The following GPC6 variants were observed in gnomAD, a reference collection of about 807,000 sequenced individuals.
The protein encoded by GPC6 is glypican-6.
In GPC6, 14 loss-of-function variants were observed where a neutral mutation model predicts 55.2. The observed-to-expected ratio is 0.25, with a 90% CI of 0.17 to 0.40. The LOEUF is 0.40. GPC6 is among the 10% of genes least tolerant of loss of function. The pLI is 1.00. For missense variants in GPC6, 641 were observed against 708.5 expected, an observed-to-expected ratio of 0.90 and a Z score of 1.08; for synonymous variants, 278 against 259.6, an observed-to-expected ratio of 1.07 and a Z score of -0.68.
At chr13:94,311,142 A>G (rs1876223238) in intron 6 of GPC6, among the ~76,000 whole-genome samples, 1 of 152,270 alleles carries the variant, frequency 6.6e-6, no homozygotes, top group Middle Eastern at 3.4e-3. Flanking sequence ...CACTCAGGCT[A>G]TCTTACTTGA....
chr13:93,822,598 A>G (rs1013146892), intron 2 of GPC6, among the ~76,000 whole-genome samples: 3 of 145,890 alleles, frequency 2.1e-5, no homozygotes, highest in African/African-American at 5.1e-5. Context: ...CCTCCCCTAG[A>G]CCCCCACCCC....
chr13:94,373,133 TG>T lies in GPC6; in HGVS notation c.1153-9279del. ...TGGAGAAAAAACAGAACAGAAAAAC[TG>T]GAAACTCTAAAAAGCAGAGCGCCTC... is the stretch of plus-strand genomic sequence containing the variant. On this transcript the variant is annotated intron_variant, in intron 6 of 8. Transcript: ENST00000377047. 4.6e-5 allele frequency among the ~76,000 whole-genome samples: 7 copies of T among 151,938 alleles called. 2 individuals are homozygous for T. The highest frequency in any genetic ancestry group is 4.6e-4 in the Admixed American group (7 of 15,258).
intron 4 of GPC6, among the ~76,000 whole-genome samples, chr13:94,207,282 A>G (rs947385936): frequency 6.6e-6 from 1 of 152,208 alleles, no homozygotes; most frequent in African/African-American, 2.4e-5. Flanking sequence ...TACCGCACTA[A>G]GACAAATCCT....
chr13:93,443,867 A>G (rs1410174335), intron 1 of GPC6, among the ~76,000 whole-genome samples: 1 of 135,930 alleles, frequency 7.4e-6, no homozygotes, highest in Non-Finnish European at 1.7e-5. Flanking sequence ...TTGATCAAGG[A>G]AGATACTTTA....
intron 4 of GPC6, among the ~76,000 whole-genome samples, chr13:94,272,748 A>C (rs533514614): frequency 1.3e-5 from 2 of 152,056 alleles, no homozygotes; most frequent in Non-Finnish European, 2.9e-5. Context: ...GATTACAGGC[A>C]TGAGACACCA....
chr13:94,383,136 G>C (rs1880245763), intron 7 of GPC6, among the ~76,000 whole-genome samples: 1 of 152,112 alleles, frequency 6.6e-6, no homozygotes, highest in Non-Finnish European at 1.5e-5. Flanking sequence ...GTGGGGACTT[G>C]ATATGGAATT....
intron 8 of GPC6, among the ~76,000 whole-genome samples, chr13:94,399,663 A>G (rs1881045344): frequency 6.6e-6 from 1 of 152,180 alleles, no homozygotes. Context: ...TTATCAGCCT[A>G]CCAAGTTATC....
chr13:93,321,135 G>A (rs1229389799), intron 1 of GPC6, among the ~76,000 whole-genome samples: 2 of 152,216 alleles, frequency 1.3e-5, no homozygotes, highest in East Asian at 3.9e-4. Flanking sequence ...TCTGTCTTAA[G>A]AAGCTGAAGT....
intron 2 of GPC6, among the ~76,000 whole-genome samples, chr13:93,553,649 T>C (rs1234160308): frequency 2.1e-5 from 3 of 141,280 alleles, no homozygotes; most frequent in Non-Finnish European, 4.5e-5. Context: ...GAGCTGAGAT[T>C]GTGCCATTGC....
Position 93,703,039 on chromosome 13 carries a change from C to T in GPC6, c.320-127115C>T, listed in dbSNP as rs1209951219. 3.3e-5 allele frequency among the ~76,000 whole-genome samples: 5 copies of T among 152,012 alleles called. No individual in the cohort carries two copies. The East Asian group carries it at 5.8e-4, about 18-fold the overall frequency. ...CAGTTGACTAGCTGTCACAAGAGACCTAGTTTGGCTTATCTCAGCTTTTGA... is the reference window on the plus strand; with the variant it reads ...CAGTTGACTAGCTGTCACAAGAGACTTAGTTTGGCTTATCTCAGCTTTTGA... On this transcript the variant is annotated intron_variant, in intron 2 of 8. Coordinates refer to ENST00000377047, the MANE Select transcript of GPC6 (RefSeq NM_005708.5).
chr13:93,288,795 C>A (rs991315541), intron 1 of GPC6, among the ~76,000 whole-genome samples: 1 of 152,150 alleles, frequency 6.6e-6, no homozygotes, highest in Non-Finnish European at 1.5e-5. Context: ...AACCTGCAGG[C>A]ATGGAGGCTC....
intron 3 of GPC6, among the ~76,000 whole-genome samples, chr13:93,902,276 A>T (rs1050549572): frequency 6.6e-6 from 1 of 152,048 alleles, no homozygotes; most frequent in African/African-American, 2.4e-5. Flanking sequence ...GCTTCCTTAG[A>T]TTCCACATAT....
chr13:93,225,326 C>G (rs1260785907), upstream of GPC6, among the ~76,000 whole-genome samples: 1 of 152,112 alleles, frequency 6.6e-6, no homozygotes, highest in African/African-American at 2.4e-5. Context: ...CAAACATAAC[C>G]AGAATATATT....
At position 94,288,961 on chromosome 13, in the gene GPC6, A is replaced by AGATAGATAGATAGATAGATC. The variant is rs1555316177; in HGVS notation, c.1008+2494_1008+2495insGATAGATCGATAGATAGATA. On this transcript the variant is annotated intron_variant, in intron 5 of 8. Coordinates refer to ENST00000377047, the MANE Select transcript of GPC6 (RefSeq NM_005708.5). ...TAGATAGATAGATAGATATATAGAT[A>AGATAGATAGATAGATAGATC]GATAGATAGATAATATATATATGTA... Among the ~76,000 whole-genome samples, 116 of 131,164 alleles carry AGATAGATAGATAGATAGATC rather than the reference A, an allele frequency of 8.8e-4. 1 individual carries two copies. Among genetic ancestry groups the AGATAGATAGATAGATAGATC allele is most frequent in the African/African-American group, 3.3e-3 (112 of 34,406 alleles). The allele number at this position is 131,164 out of a possible 152,430, so 86.0% of individuals were successfully genotyped here. A position where few individuals can be genotyped will look rare whatever the true frequency, so the allele number is the denominator to read the frequency against.
intron 1 of GPC6, among the ~76,000 whole-genome samples, chr13:93,525,748 T>C (rs59719385): frequency 6.6e-5 from 10 of 152,210 alleles, no homozygotes; most frequent in East Asian, 1.9e-4. Context: ...GTTTCTCAGA[T>C]GGTTAATTAT....
intron 3 of GPC6, among the ~76,000 whole-genome samples, chr13:93,973,722 CAA>C (rs965032381): frequency 1.3e-5 from 2 of 151,978 alleles, no homozygotes; most frequent in African/African-American, 4.8e-5. Context: ...TATTTTATAC[CAA>C]AGTTTCTTAA....
intron 6 of GPC6, among the ~76,000 whole-genome samples, chr13:94,337,307 G>T (rs2139150699): frequency 6.6e-6 from 1 of 152,254 alleles, no homozygotes; most frequent in East Asian, 1.9e-4. Context: ...GATGAGGAAA[G>T]GGCCATCGTC....
chr13:93,657,888 C>G (rs1372647493), intron 2 of GPC6, among the ~76,000 whole-genome samples: 1 of 151,898 alleles, frequency 6.6e-6, no homozygotes, highest in Non-Finnish European at 1.5e-5. Flanking sequence ...AAATGCAAAT[C>G]AAAACCATAA....
At chr13:94,333,915 G>A (rs1035415965) in intron 6 of GPC6, among the ~76,000 whole-genome samples, 2 of 152,170 alleles carry the variant, frequency 1.3e-5, no homozygotes, top group Non-Finnish European at 2.9e-5. Flanking sequence ...TGGTGGGAAA[G>A]GAGAATGGGT....
Sources: gnomAD v4.1 joint callset for allele counts (sites outside exome capture counted in the v4.1 genomes callset) on GRCh38, gnomAD v4.1.1 for gene constraint, MANE v1.5 for transcripts, NCBI Gene and HGNC (gene_info 2026-07-23, HGNC 2026-07-21) for gene names.